Variants in RIMS1 observed in about 807,000 individuals in gnomAD.
RIMS1 encodes regulating synaptic membrane exocytosis 1, also known as regulating synaptic membrane exocytosis protein 1.
RIMS1 carries 83 observed loss-of-function variants against 214.1 expected under a neutral mutation model. That is an observed-to-expected ratio of 0.39 (90% CI 0.32 to 0.47). RIMS1 has a LOEUF of 0.47. Ranked by LOEUF, RIMS1 falls within the 20% of genes least tolerant of loss-of-function variation. RIMS1 has a pLI of 0.99. For missense variants in RIMS1, 2,050 were observed against 2,161.8 expected (o/e 0.95, Z 1.03); for synonymous variants, 793 against 786.8 (o/e 1.01, Z -0.13).
In RIMS1 at chr6:71,938,598, T is replaced by G. The variant is rs960420065; in HGVS notation, c.165-30385T>G. ...GGACATGCATGAGCTGTGGCTGGAG[T>G]GGCCACAGAGCACTGTGCCAGAATT... On this transcript the variant is annotated intron_variant, in intron 1 of 33. Transcript: ENST00000521978. Among the ~76,000 whole-genome samples the G allele has an allele frequency of 3.3e-5, 5 of 151,504 alleles. No individual in the cohort carries two copies. The East Asian group carries it at 7.8e-4, about 24-fold the overall frequency.
At chr6:71,955,155 A>G (rs144991043) in intron 1 of RIMS1, among the ~76,000 whole-genome samples, 2,066 of 152,068 alleles carry the variant, frequency 0.014, 51 homozygotes, top group African/African-American at 0.047. Flanking sequence ...TAAGACTACT[A>G]TGAATATTCT....
chr6:72,385,031 T>G (rs2098560417), intron 29 of RIMS1, among the ~76,000 whole-genome samples: 1 of 152,206 alleles, frequency 6.6e-6, no homozygotes, highest in South Asian at 2.1e-4. Context: ...GGTGAAATAT[T>G]GCCCCCAGAC....
intron 23 of RIMS1, among the ~76,000 whole-genome samples, chr6:72,275,305 A>G (rs2085775571): frequency 6.6e-6 from 1 of 151,748 alleles, no homozygotes; most frequent in Non-Finnish European, 1.5e-5. Flanking sequence ...GCAGATAAGT[A>G]GACGTGGTAT....
At chr6:72,047,212 T>C (rs1373861784) in intron 2 of RIMS1, among the ~76,000 whole-genome samples, 1 of 152,218 alleles carries the variant, frequency 6.6e-6, no homozygotes, top group Non-Finnish European at 1.5e-5. Flanking sequence ...GTGCTTCTGT[T>C]GCAGTTTTGA....
intron 6 of RIMS1, among the ~76,000 whole-genome samples, chr6:72,187,326 TG>T (rs1177558689): frequency 2.0e-5 from 3 of 152,302 alleles, no homozygotes; most frequent in Non-Finnish European, 4.4e-5. Context: ...ATATTATTTA[TG>T]GGCTTGTAAA....
intron 2 of RIMS1, among the ~76,000 whole-genome samples, chr6:72,088,422 G>T (rs1835273174): frequency 6.6e-6 from 1 of 151,688 alleles, no homozygotes; most frequent in South Asian, 2.1e-4. Flanking sequence ...CTAATTTTTT[G>T]TAATTTTTAG....
chr6:72,108,254 T>G (rs1378243733), intron 4 of RIMS1, among the ~76,000 whole-genome samples: 1 of 125,118 alleles, frequency 8.0e-6, no homozygotes, highest in African/African-American at 2.7e-5. Flanking sequence ...TTGGATAATT[T>G]TGTGTGTGTG....
intron 2 of RIMS1, among the ~76,000 whole-genome samples, chr6:71,973,554 G>T (rs770340755): frequency 6.6e-6 from 1 of 152,118 alleles, no homozygotes; most frequent in Non-Finnish European, 1.5e-5. Flanking sequence ...AAGGAAACTT[G>T]TTCATAATGG....
Position 71,886,753 on chromosome 6 carries a change from G to A in RIMS1, c.-271G>A. On this transcript the variant is annotated 5_prime_UTR_variant, in exon 1 of 34. Transcript: ENST00000521978. The stretch of plus-strand genomic sequence containing the variant: ...CGCCCCCGCCGGCCGAGGCTGGGCT[G>A]CGGGAGGCGGCCGGGCGGCCCCGAG... 1 of 268,202 alleles carries A rather than the reference G, an allele frequency of 3.7e-6. No individual in the cohort carries two copies. The allele number at this position is 268,202 out of a possible 1,614,324, so 16.6% of individuals were successfully genotyped here. A position where few individuals can be genotyped will look rare whatever the true frequency, so the allele number is the denominator to read the frequency against.
rs553014834 is a variant in RIMS1, at chr6:72,052,131, T to C, written c.246-44818T>C. Among the ~76,000 whole-genome samples the C allele has an allele frequency of 2.0e-5, 3 of 152,348 alleles. No homozygotes were observed. The East Asian group carries it at 5.8e-4, about 29-fold the overall frequency. ...TAAAACTGTATTGAGTCCTCTGGAA[T>C]ACAGTTGCACTTTCTCAAATGAAAT... is the stretch of plus-strand genomic sequence containing the variant. On this transcript the variant is annotated intron_variant, in intron 2 of 33. Coordinates refer to ENST00000521978, the MANE Select transcript of RIMS1 (RefSeq NM_014989.7).
intron 3 of RIMS1, among the ~76,000 whole-genome samples, chr6:72,098,823 C>G (rs1342075191): frequency 6.6e-6 from 1 of 152,160 alleles, no homozygotes; most frequent in East Asian, 1.9e-4. Flanking sequence ...TTCTTTTCCT[C>G]TCCTAATAGT....
chr6:72,105,299 ATAATT>A (rs2034518758), intron 4 of RIMS1, among the ~76,000 whole-genome samples: 1 of 152,064 alleles, frequency 6.6e-6, no homozygotes, highest in African/African-American at 2.4e-5. Flanking sequence ...AGTCTCATAT[ATAATT>A]ATTTTTATTT....
In RIMS1 at chr6:72,401,003, A is replaced by T. The variant is rs1469945385; in HGVS notation, c.*289A>T. ...TAAATCCACGCATACACGTACACACACACATGCACACACACACACACCAAA... is the reference window on the plus strand; with the variant it reads ...TAAATCCACGCATACACGTACACACTCACATGCACACACACACACACCAAA... On this transcript the variant is annotated 3_prime_UTR_variant, in exon 34 of 34. Transcript: ENST00000521978. 6.0e-6 allele frequency: 2 copies of T among 333,988 alleles called. No homozygotes were observed. The highest frequency in any genetic ancestry group is 2.1e-5 in the African/African-American group (1 of 48,330). 20.7% of individuals were successfully genotyped at this position (333,988 alleles called of 1,614,324 possible). A position where few individuals can be genotyped will look rare whatever the true frequency, so the allele number is the denominator to read the frequency against.
Position 72,108,733 on chromosome 6 carries a change from G to A in RIMS1, c.471+8747G>A, listed in dbSNP as rs2035318821. On this transcript the variant is annotated intron_variant, in intron 4 of 33. Transcript: ENST00000521978. ...TTATTATTATACTTTAAGTTTTAGG[G>A]TACATGTGCACAATATGCAGGTTAG... Among the ~76,000 whole-genome samples, 4 of 150,436 alleles carry A rather than the reference G, an allele frequency of 2.7e-5. 1 individual carries two copies. The South Asian group carries it at 8.5e-4, about 32-fold the overall frequency.
chr6:72,100,127 G>GA (rs1586939508), intron 4 of RIMS1, 141 bp downstream of exon 4: 3 of 686,156 alleles, frequency 4.4e-6, no homozygotes, highest in Admixed American at 3.1e-5. Flanking sequence ...CAGCTCTCAT[G>GA]AAAAAAATAA....
Position 71,887,011 on chromosome 6 carries a change from G to C in RIMS1, c.-13G>C. 6.2e-7 allele frequency: 1 copy of C among 1,610,368 alleles called. No homozygotes were observed. Among genetic ancestry groups the C allele is most frequent in the South Asian group, 1.1e-5 (1 of 90,624 alleles). On this transcript the variant is annotated 5_prime_UTR_variant, in exon 1 of 34. Transcript: ENST00000521978. ...GCCAGAGAGCGAGCAGAGGGGGCGG[G>C]CAGGCCACGAAAATGTCCTCGGCCG... is the stretch of plus-strand genomic sequence containing the variant.
chr6:72,350,575 AG>A (rs2097411449), intron 29 of RIMS1, among the ~76,000 whole-genome samples: 1 of 146,158 alleles, frequency 6.8e-6, no homozygotes. Flanking sequence ...AAGTAATGCC[AG>A]TTGTCTATTC....
intron 1 of RIMS1, among the ~76,000 whole-genome samples, chr6:71,913,100 G>T (rs1443989990): frequency 6.6e-6 from 1 of 152,020 alleles, no homozygotes; most frequent in East Asian, 1.9e-4. Context: ...CTAAATCTAT[G>T]TATGTGCTAA....
chr6:72,396,615 G>A (rs1007331673), intron 31 of RIMS1, among the ~76,000 whole-genome samples: 3 of 152,162 alleles, frequency 2.0e-5, no homozygotes, highest in Non-Finnish European at 2.9e-5. Context: ...GAATATTATA[G>A]AGAAATTAAA....
Sources: allele counts gnomAD v4.1 joint callset (sites outside exome capture counted in the v4.1 genomes callset), GRCh38; gene constraint gnomAD v4.1.1; transcripts MANE v1.5; gene names NCBI Gene and HGNC (gene_info 2026-07-23, HGNC 2026-07-21).